ZPBP2: variants seen among roughly 807,000 people sequenced by gnomAD.
ZPBP2 encodes the protein zona pellucida binding protein 2.
ZPBP2 carries 34 observed loss-of-function variants against 37.5 expected under a neutral mutation model. The observed-to-expected ratio is 0.91, with a 90% CI of 0.69 to 1.21. The LOEUF (loss-of-function observed/expected upper bound fraction) is 1.21. Among genes scored for constraint, ZPBP2 ranks in the 50% most tolerant of loss-of-function variants. ZPBP2 has a pLI of 0.00. For synonymous variants in ZPBP2, 143 were observed against 138.4 expected, an observed-to-expected ratio of 1.03 and a Z score of -0.23; for missense variants, 397 against 413.5, an observed-to-expected ratio of 0.96 and a Z score of 0.35.
Position 39,870,798 on chromosome 17 carries a change from C to T in ZPBP2, c.223C>T (p.Pro75Ser). 6.5e-7 allele frequency: 1 copy of T among 1,547,218 alleles called. No individual in the cohort carries two copies. Among genetic ancestry groups the T allele is most frequent in the East Asian group, 2.3e-5 (1 of 44,062 alleles). Residue 75 changes from proline to serine, a missense_variant, in exon 3 of 8, where the codon CCT (proline) becomes TCT (serine). Physicochemically the swap from Pro to Ser is moderately conservative, Grantham distance 74 (BLOSUM62 -1). Coordinates refer to ENST00000348931, the MANE Select transcript of ZPBP2 (RefSeq NM_199321.3). ...GGACCCCACCTACTTATGGATTGGG[C>T]CTAATGAAAAGACGTTAACAGGTAA... ...IVDPTYLWIG[P>S]NEKTLTGNNR...
At chr17:39,876,619 T>G in intron 7 of ZPBP2, 63 bp from the exon 8 acceptor site, 1 of 1,584,808 alleles carries the variant, frequency 6.3e-7, no homozygotes, top group Non-Finnish European at 8.6e-7. Flanking sequence ...ATAGAATACC[T>G]CCAAGTAGTA....
At position 39,868,379 on chromosome 17, in the gene ZPBP2, T is replaced by G; in HGVS notation, c.25T>G (p.Ser9Ala). ...GATGATGCGAACGTGCGTCCTACTC[T>G]CCGCGGTGCTCTGGTGCCTCACAGG... The part of the protein sequence containing the change: MMRTCVLL[S>A]AVLWCLTGVQ... Residue 9 changes from serine (S) to alanine (A), a missense_variant, in exon 1 of 8, where the codon TCC becomes GCC. Physicochemically the swap from Ser to Ala is moderately conservative, Grantham distance 99 (BLOSUM62 1). Coordinates refer to ENST00000348931, the MANE Select transcript of ZPBP2 (RefSeq NM_199321.3). 2 of 1,610,240 alleles carry G rather than the reference T, an allele frequency of 1.2e-6. No homozygotes were observed. The highest frequency in any genetic ancestry group is 8.5e-7 in the Non-Finnish European group (1 of 1,179,942).
rs1555647285 is a variant in ZPBP2, at chr17:39,869,405, C to CTT, written c.118+811_118+812dup. ...TCTTTCTTTCTTTCCTTCCTTCCTT[C>CTT]TTTTTTTTTTTTTTTTTTTTTGACA... On this transcript the variant is annotated intron_variant, in intron 2 of 7. Coordinates refer to ENST00000348931, the MANE Select transcript of ZPBP2 (RefSeq NM_199321.3). 1.2e-3 allele frequency among the ~76,000 whole-genome samples: 134 copies of CTT among 115,118 alleles called. 2 individuals are homozygous for CTT. The highest frequency in any genetic ancestry group is 3.0e-3 in the East Asian group (13 of 4,402). The allele number at this position is 115,118 out of a possible 152,430, so 75.5% of individuals were successfully genotyped here. A position where few individuals can be genotyped will look rare whatever the true frequency, so the allele number is the denominator to read the frequency against.
rs1002348451 is a variant in ZPBP2 at position 39,872,231 on chromosome 17, A to G, written c.407-39A>G. 6.0e-6 allele frequency: 9 copies of G among 1,487,886 alleles called. No homozygotes were observed. In the African/African-American group the frequency reaches 1.3e-4, roughly 21 times the overall value. The allele number at this position is 1,487,886 out of a possible 1,614,324, so 92.2% of individuals were successfully genotyped here. The stretch of plus-strand genomic sequence containing the variant: ...TTGGTAGAGGAAATTAATGCTAGGT[A>G]CGATTGTTTTCACTCTCATCTTTCT... On this transcript the variant is annotated intron_variant, in intron 4 of 7. Coordinates refer to ENST00000348931, the MANE Select transcript of ZPBP2 (RefSeq NM_199321.3).
chr17:39,871,669 C>A, intron 4 of ZPBP2, 44 bp downstream of exon 4: 1 of 1,427,700 alleles, frequency 7.0e-7, no homozygotes. Flanking sequence ...TAGTTTGGAT[C>A]GTAATTAAGT....
At position 39,876,848 on chromosome 17, in the gene ZPBP2, C is replaced by T; in HGVS notation, c.*39C>T. The T allele has an allele frequency of 6.2e-7, 1 of 1,609,218 alleles. No individual in the cohort carries two copies. The highest frequency in any genetic ancestry group is 8.5e-7 in the Non-Finnish European group (1 of 1,177,172). On this transcript the variant is annotated 3_prime_UTR_variant, in exon 8 of 8. Transcript: ENST00000348931. Reference sequence around the variant, plus strand: ...GTTACTTACTTGTGGAAGTCGGGGACATAAGATGATTTTCACATCCCAGAG... The same window carrying T: ...GTTACTTACTTGTGGAAGTCGGGGATATAAGATGATTTTCACATCCCAGAG...
chr17:39,875,346 C>A lies in ZPBP2; in HGVS notation c.801C>A (p.Asp267Glu). Residue 267 changes from aspartate (D) to glutamate (E), a missense_variant, in exon 7 of 8, where the codon GAC (aspartate) becomes GAA (glutamate). Physicochemically the swap from Asp to Glu is conservative, Grantham distance 45. Coordinates refer to ENST00000348931, the MANE Select transcript of ZPBP2 (RefSeq NM_199321.3). ...CTCTACCAGCAATGCATTTTGTGGA[C>A]CACAGTTTGCAAGTAGTACGTCTGG... is the stretch of plus-strand genomic sequence containing the variant. ...NKTLPAMHFV[D>E]HSLQVVRLDS... 6.2e-7 allele frequency: 1 copy of A among 1,614,024 alleles called. No homozygotes were observed. Among genetic ancestry groups the A allele is most frequent in the South Asian group, 1.1e-5 (1 of 91,048 alleles).
chr17:39,872,207 T>G, intron 4 of ZPBP2, 63 bp from the exon 5 acceptor site: 1 of 1,292,268 alleles, frequency 7.7e-7, no homozygotes, highest in Non-Finnish European at 1.1e-6. Context: ...GAAAATTGTT[T>G]GGTAGAGGAA....
intron 6 of ZPBP2, among the ~76,000 whole-genome samples, chr17:39,874,697 T>C (rs755798191): frequency 1.4e-4 from 22 of 152,152 alleles, no homozygotes; most frequent in Non-Finnish European, 2.2e-4. Context: ...CCTCCCAAAG[T>C]GCTGGGATCA....
intron 7 of ZPBP2, among the ~76,000 whole-genome samples, chr17:39,875,883 C>CCTTTTTTTTTTT (rs1555647948): frequency 6.3e-5 from 4 of 63,776 alleles, no homozygotes; most frequent in Non-Finnish European, 1.0e-4. Context: ...TGCTTGGCCC[C>CCTTTTTTTTTTT]TTTTTTTTTT....
chr17:39,870,893 A>C, intron 3 of ZPBP2, 74 bp downstream of exon 3: 2 of 1,243,032 alleles, frequency 1.6e-6, no homozygotes, highest in Non-Finnish European at 1.1e-6. Flanking sequence ...ACTTATTGGA[A>C]AGAACAAATT....
At chr17:39,873,972 A>T (rs1234540066) in intron 6 of ZPBP2, among the ~76,000 whole-genome samples, 2 of 151,750 alleles carry the variant, frequency 1.3e-5, no homozygotes, top group East Asian at 3.8e-4. Flanking sequence ...ATGCTGATTA[A>T]AGAAAAGTCT....
rs771127144 is a variant in ZPBP2, at chr17:39,872,500, A to T, written c.625+12A>T. ...TATAGCATTTCAAGGTAAAATTTTT[A>T]AAATTTCTTTAATTTTGAATTTAGT... On this transcript the variant is annotated intron_variant, in intron 5 of 7. Transcript: ENST00000348931. The T allele has an allele frequency of 2.6e-6, 4 of 1,539,524 alleles. No homozygotes were observed. Among genetic ancestry groups the T allele is most frequent in the East Asian group, 2.3e-5 (1 of 43,084 alleles).
rs2063344347 is a variant in ZPBP2 at position 39,868,250 on chromosome 17, GGCGTTCT to G, written c.-102_-96del. ...ACGGACGGGTAGGGGAGGCGACCCC[GGCGTTCT>G]GCTCCGCACTGTGGAGGAGGTGGGG... On this transcript the variant is annotated 5_prime_UTR_variant, in exon 1 of 8. Coordinates refer to ENST00000348931, the MANE Select transcript of ZPBP2 (RefSeq NM_199321.3). 4.5e-6 allele frequency: 6 copies of G among 1,331,532 alleles called. No homozygotes were observed. In the Admixed American group the frequency reaches 1.2e-4, roughly 28 times the overall value. 82.5% of individuals were successfully genotyped at this position (1,331,532 alleles called of 1,614,324 possible).
At chr17:39,868,638 G>C (rs369828052) in intron 2 of ZPBP2, 24 bp downstream of exon 2, 3 of 1,613,406 alleles carry the variant, frequency 1.9e-6, no homozygotes, top group South Asian at 2.2e-5. Flanking sequence ...CTGCACACGC[G>C]GGCCCATTGG....
chr17:39,868,361 C>A lies in ZPBP2; in HGVS notation c.7C>A (p.Arg3=), dbSNP rs75248026. MM[R]TCVLLSAVLW... is the part of the protein sequence containing the mutation. ...CGACGCCAGCCCCTGAGCGATGATG[C>A]GAACGTGCGTCCTACTCTCCGCGGT... Residue 3 remains arginine (R), a synonymous_variant, in exon 1 of 8, where the codon CGA becomes AGA. Transcript: ENST00000348931. 1.5e-3 allele frequency: 2,446 copies of A among 1,609,480 alleles called. 83 individuals are homozygous for A. In the East Asian group the frequency reaches 0.052, roughly 34 times the overall value.
At position 39,873,716 on chromosome 17, in the gene ZPBP2, T is replaced by C. The variant is rs74386623; in HGVS notation, c.708+590T>C. 1.9e-3 allele frequency among the ~76,000 whole-genome samples: 282 copies of C among 152,278 alleles called. 4 individuals are homozygous for C. The East Asian group carries it at 0.022, about 12-fold the overall frequency. ...GGCTTAAAGAACAACTTCACAAACA[T>C]GTCACCCTACGTTAAGCCAATGGTG... On this transcript the variant is annotated intron_variant, in intron 6 of 7. Coordinates refer to ENST00000348931, the MANE Select transcript of ZPBP2 (RefSeq NM_199321.3).
chr17:39,871,354 T>G, intron 3 of ZPBP2, 110 bp from the exon 4 acceptor site: 18 of 646,646 alleles, frequency 2.8e-5, no homozygotes, highest in East Asian at 9.7e-5. Context: ...TCCTTAAAGT[T>G]GAGATAGTTC....
chr17:39,869,057 A>C (rs976814561), intron 2 of ZPBP2, among the ~76,000 whole-genome samples: 1 of 152,224 alleles, frequency 6.6e-6, no homozygotes, highest in African/African-American at 2.4e-5. Flanking sequence ...AAAATTAGTT[A>C]CACAGCTAAT....
Sources: allele counts gnomAD v4.1 joint callset (sites outside exome capture counted in the v4.1 genomes callset), GRCh38; gene constraint gnomAD v4.1.1; transcripts MANE v1.5; gene names NCBI Gene and HGNC (gene_info 2026-07-23, HGNC 2026-07-21).